Variants in SLC23A2 observed in about 807,000 individuals in gnomAD.
SLC23A2 encodes the protein solute carrier family 23 member 2.
A neutral mutation model predicts 73.3 loss-of-function variants in SLC23A2; 36 were observed. The ratio of observed to expected loss-of-function variants is 0.49; its 90% CI spans 0.38 to 0.65. The LOEUF is 0.65. SLC23A2 is among the 30% of genes least tolerant of loss of function. The pLI is 0.00. For missense variants in SLC23A2, 507 were observed against 841.6 expected (o/e 0.60, Z 4.92); for synonymous variants, 343 against 327.3 (o/e 1.05, Z -0.52).
intron 1 of SLC23A2, among the ~76,000 whole-genome samples, chr20:4,988,205 G>A (rs952070669): frequency 2.6e-5 from 4 of 152,004 alleles, no homozygotes; most frequent in Non-Finnish European, 4.4e-5. Flanking sequence ...AGGAGGCTGA[G>A]GCAGGAGAAT....
intron 6 of SLC23A2, 149 bp from the exon 7 acceptor site, chr20:4,886,058 G>A (rs1931082907): frequency 1.8e-6 from 1 of 568,632 alleles, no homozygotes; most frequent in African/African-American, 1.9e-5. Context: ...GTTTGCAAAG[G>A]TTTCCTGTGC....
At chr20:4,959,590 C>T (rs909003425) in intron 2 of SLC23A2, among the ~76,000 whole-genome samples, 9 of 152,146 alleles carry the variant, frequency 5.9e-5, no homozygotes, top group South Asian at 2.1e-4. Flanking sequence ...CTCAACCTCC[C>T]GGGCTCAAGT....
chr20:4,932,565 A>C lies in SLC23A2; in HGVS notation c.-3T>G, dbSNP rs771808826. The C allele has an allele frequency of 6.7e-7, 1 of 1,490,380 alleles. No individual in the cohort carries two copies. Among genetic ancestry groups the C allele is most frequent in the Admixed American group, 1.7e-5 (1 of 59,826 alleles). 92.3% of individuals were successfully genotyped at this position (1,490,380 alleles called of 1,614,324 possible). ...GTATTCTTACCAATACCCATCATTA[A>C]GAGAAACGAGTAGTTTACACAGCCG... On this transcript the variant is annotated 5_prime_UTR_variant, in exon 3 of 17. Transcript: ENST00000338244.
At chr20:4,959,571 C>T (rs2087347205) in intron 2 of SLC23A2, among the ~76,000 whole-genome samples, 2 of 152,160 alleles carry the variant, frequency 1.3e-5, no homozygotes, top group African/African-American at 4.8e-5. Context: ...AATCACGGCT[C>T]ACTGCAGCCT....
At position 4,913,065 on chromosome 20, in the gene SLC23A2, G is replaced by A. The variant is rs533127632; in HGVS notation, c.109-87C>T. ...GCCATTTGTAATTCTCCTGGTGAGTGCATGACCAGGCATGGTTTTGATGGA... is the reference window on the plus strand; with the variant it reads ...GCCATTTGTAATTCTCCTGGTGAGTACATGACCAGGCATGGTTTTGATGGA... On this transcript the variant is annotated intron_variant, in intron 3 of 16. Coordinates refer to ENST00000338244, the MANE Select transcript of SLC23A2 (RefSeq NM_005116.6). The A allele has an allele frequency of 4.9e-6, 4 of 815,196 alleles. No individual in the cohort carries two copies. In the East Asian group the frequency reaches 7.3e-5, roughly 15 times the overall value. 50.5% of individuals were successfully genotyped at this position (815,196 alleles called of 1,614,324 possible).
intron 2 of SLC23A2, among the ~76,000 whole-genome samples, chr20:4,938,859 C>T (rs2087000312): frequency 6.6e-6 from 1 of 152,130 alleles, no homozygotes; most frequent in Admixed American, 6.6e-5. Flanking sequence ...GCCATCCCTC[C>T]AAAATAAGCC....
intron 1 of SLC23A2, among the ~76,000 whole-genome samples, chr20:4,971,749 T>C (rs1404881338): frequency 6.6e-6 from 1 of 152,076 alleles, no homozygotes; most frequent in Non-Finnish European, 1.5e-5. Context: ...ACTGTGCCAC[T>C]GCAGTCCTAC....
chr20:4,883,686 C>T lies in SLC23A2; in HGVS notation c.780G>A (p.Gln260=). The change falls in exon 9 of 17, where the codon CAG becomes CAA. Residue 260 remains glutamine, a synonymous_variant. Coordinates refer to ENST00000338244, the MANE Select transcript of SLC23A2 (RefSeq NM_005116.6). The surrounding 1 kb of genome is among the most constrained non-coding windows in gnomAD (Gnocchi z 4.5). The part of the protein sequence containing the change: ...TVALIGLSGF[Q]AAGERAGKHW... ...GCTTCCCGGCTCTCTCCCCCGCTGC[C>T]TGGAAACCAGAGAGGCCAATTAGGG... 2 of 1,613,656 alleles carry T rather than the reference C, an allele frequency of 1.2e-6. No individual in the cohort carries two copies. The highest frequency in any genetic ancestry group is 1.1e-5 in the South Asian group (1 of 91,030).
chr20:4,913,049 A>C, intron 3 of SLC23A2, 71 bp from the exon 4 acceptor site: 5 of 986,528 alleles, frequency 5.1e-6, no homozygotes, highest in Non-Finnish European at 8.1e-6. Flanking sequence ...AGCCATTTGT[A>C]ATTCTCCTGG....
intron 1 of SLC23A2, among the ~76,000 whole-genome samples, chr20:4,982,776 T>G (rs1027735816): frequency 6.6e-6 from 1 of 151,852 alleles, no homozygotes; most frequent in Non-Finnish European, 1.5e-5. Context: ...GGGGGTAGAG[T>G]CATCCTTTAA....
intron 6 of SLC23A2, among the ~76,000 whole-genome samples, chr20:4,890,828 T>A (rs1160504826): frequency 6.6e-6 from 1 of 152,210 alleles, no homozygotes; most frequent in Non-Finnish European, 1.5e-5. Flanking sequence ...CACATGGGTA[T>A]AAGCTCATCT....
At chr20:4,952,605 C>T (rs891398679) in intron 2 of SLC23A2, among the ~76,000 whole-genome samples, 6 of 152,150 alleles carry the variant, frequency 3.9e-5, no homozygotes, top group African/African-American at 1.4e-4. Flanking sequence ...AACTAGTATA[C>T]AAGACTGCTA....
intron 4 of SLC23A2, among the ~76,000 whole-genome samples, chr20:4,904,666 T>C (rs2122878135): frequency 6.6e-6 from 1 of 152,374 alleles, no homozygotes; most frequent in East Asian, 1.9e-4. Context: ...GTGGTGCTGC[T>C]GCTCACAAAG....
chr20:4,951,282 G>A (rs2087198427), intron 2 of SLC23A2, among the ~76,000 whole-genome samples: 1 of 152,144 alleles, frequency 6.6e-6, no homozygotes, highest in African/African-American at 2.4e-5. Flanking sequence ...AAAACAAGAC[G>A]CTGAGGTGGG....
chr20:4,876,211 T>C (rs914764147), intron 9 of SLC23A2, among the ~76,000 whole-genome samples: 11 of 152,204 alleles, frequency 7.2e-5, no homozygotes, highest in Admixed American at 4.6e-4. Context: ...AAAAAATAAA[T>C]GCTACTTATT....
chr20:4,900,070 C>T (rs556469681), intron 5 of SLC23A2, among the ~76,000 whole-genome samples: 2 of 152,196 alleles, frequency 1.3e-5, no homozygotes, highest in South Asian at 2.1e-4. Context: ...GGGTTTTCAC[C>T]GTGTTGGCAA....
chr20:4,955,565 T>C (rs1447338489), intron 2 of SLC23A2, among the ~76,000 whole-genome samples: 1 of 151,618 alleles, frequency 6.6e-6, no homozygotes, highest in Non-Finnish European at 1.5e-5. Flanking sequence ...AAGGTAGGAG[T>C]AACACTTGAC....
intron 1 of SLC23A2, among the ~76,000 whole-genome samples, chr20:4,974,424 C>T (rs955495958): frequency 2.0e-5 from 3 of 151,842 alleles, no homozygotes; most frequent in Admixed American, 6.6e-5. Context: ...GCCGAGATCG[C>T]GCATTGCACT....
intron 2 of SLC23A2, among the ~76,000 whole-genome samples, chr20:4,945,245 T>C (rs1177338750): frequency 2.0e-5 from 3 of 152,094 alleles, no homozygotes; most frequent in African/African-American, 7.2e-5. Context: ...AAAAAAAAAA[T>C]AACAATCATC....
Sources: gnomAD v4.1 joint callset for allele counts (sites outside exome capture counted in the v4.1 genomes callset) on GRCh38, gnomAD v4.1.1 for gene constraint, Gnocchi (gnomAD v3.1) non-coding constraint, MANE v1.5 for transcripts, NCBI Gene and HGNC (gene_info 2026-07-23, HGNC 2026-07-21) for gene names.